CMIP: variants seen among roughly 807,000 people sequenced by gnomAD.
CMIP encodes c-Maf inducing protein, also known as C-Maf-inducing protein.
Under a neutral mutation model 97.3 loss-of-function variants are expected in CMIP, and 13 were observed. The observed-to-expected ratio is 0.13, with a 90% CI of 0.09 to 0.21. CMIP has a LOEUF of 0.21. Ranked by LOEUF, CMIP falls within the 10% of genes least tolerant of loss-of-function variation. CMIP has a pLI of 1.00. For missense variants in CMIP, 847 were observed against 1,024.9 expected (o/e 0.83, Z 2.37); for synonymous variants, 538 against 436.3 (o/e 1.23, Z -2.91).
intron 1 of CMIP, among the ~76,000 whole-genome samples, chr16:81,461,119 C>G (rs966909457): frequency 6.6e-6 from 1 of 152,152 alleles, no homozygotes; most frequent in African/African-American, 2.4e-5. Flanking sequence ...TGTTCTGCAG[C>G]TTCTGGCTTG....
chr16:81,526,087 T>C (rs1827272242), intron 1 of CMIP, among the ~76,000 whole-genome samples: 1 of 152,152 alleles, frequency 6.6e-6, no homozygotes, highest in Non-Finnish European at 1.5e-5. Flanking sequence ...TTGAGAATAG[T>C]GCTGCTGTGA....
intron 1 of CMIP, among the ~76,000 whole-genome samples, chr16:81,546,131 T>C (rs2090542158): frequency 1.3e-5 from 2 of 152,176 alleles, no homozygotes; most frequent in South Asian, 2.1e-4. Context: ...TTACGAGTTA[T>C]CGTGTCTCCT....
intron 1 of CMIP, among the ~76,000 whole-genome samples, chr16:81,606,685 A>G: frequency 6.6e-6 from 1 of 152,072 alleles, no homozygotes; most frequent in Non-Finnish European, 1.5e-5. Context: ...CCCTGACTTC[A>G]TGGAGCTAGC....
chr16:81,500,635 C>T (rs1461524699), intron 1 of CMIP, among the ~76,000 whole-genome samples: 8 of 151,798 alleles, frequency 5.3e-5, no homozygotes, highest in Middle Eastern at 6.8e-3. Context: ...ACTACAGGCG[C>T]GTGCCACCAC....
intron 1 of CMIP, among the ~76,000 whole-genome samples, chr16:81,446,319 C>CG (rs1168598559): frequency 6.6e-6 from 1 of 151,812 alleles, no homozygotes; most frequent in Admixed American, 6.6e-5. Context: ...ATGGGTAGGA[C>CG]TGGGTCAGCT....
intron 2 of CMIP, among the ~76,000 whole-genome samples, chr16:81,611,008 T>G (rs2091822744): frequency 6.6e-6 from 1 of 152,172 alleles, no homozygotes; most frequent in Non-Finnish European, 1.5e-5. Context: ...CGGCATTACC[T>G]TAGTGCTCCT....
At chr16:81,487,005 G>T (rs2089324951) in intron 1 of CMIP, among the ~76,000 whole-genome samples, 1 of 152,254 alleles carries the variant, frequency 6.6e-6, no homozygotes, top group African/African-American at 2.4e-5. Context: ...CTTCTGGAGG[G>T]AGCGTGGGAC....
chr16:81,583,636 G>T (rs1449453840), intron 1 of CMIP, among the ~76,000 whole-genome samples: 1 of 152,174 alleles, frequency 6.6e-6, no homozygotes, highest in Non-Finnish European at 1.5e-5. Flanking sequence ...CTCACTGTCA[G>T]CCCCAACCGA....
chr16:81,454,067 G>T (rs992132776), intron 1 of CMIP, among the ~76,000 whole-genome samples: 2 of 152,218 alleles, frequency 1.3e-5, no homozygotes, highest in Non-Finnish European at 2.9e-5. Context: ...TCACATGACC[G>T]TGATCTCATC....
rs1250314656 is a variant in CMIP at position 81,705,525 on chromosome 16, G to A, written c.2118G>A (p.Leu706=). The change falls in exon 19 of 21, where the codon CTG becomes CTA. Residue 706 remains leucine, a synonymous_variant. Coordinates refer to ENST00000537098, the MANE Select transcript of CMIP (RefSeq NM_198390.3). The part of the protein sequence containing the change: ...TQFGDAGLRL[L]SEHLTMLQVL... ...TTGGAGACGCTGGCCTTCGGCTCCT[G>A]TCGGAACACCTCACCATGCTCCAGG... 4.4e-6 allele frequency: 7 copies of A among 1,608,156 alleles called. No homozygotes were observed. The highest frequency in any genetic ancestry group is 1.7e-5 in the Admixed American group (1 of 59,510).
chr16:81,488,418 A>G (rs974570099), intron 1 of CMIP, among the ~76,000 whole-genome samples: 1 of 152,162 alleles, frequency 6.6e-6, no homozygotes, highest in Non-Finnish European at 1.5e-5. Flanking sequence ...TAAATGAGTA[A>G]TACGTATGAA....
rs535244562 is a variant in CMIP at position 81,450,994 on chromosome 16, A to T, written c.300+5453A>T. On this transcript the variant is annotated intron_variant, in intron 1 of 20. Coordinates refer to ENST00000537098, the MANE Select transcript of CMIP (RefSeq NM_198390.3). ...TTTTGGAGACCCTCCATGCGTGTGC[A>T]GCTGCCTTGTTCTTTTTCATTGCTG... 6.6e-5 allele frequency among the ~76,000 whole-genome samples: 10 copies of T among 152,222 alleles called. No individual in the cohort carries two copies. In the South Asian group the frequency reaches 1.9e-3, roughly 28 times the overall value.
At chr16:81,653,716 C>T (rs182229795) in intron 4 of CMIP, among the ~76,000 whole-genome samples, 217 of 152,288 alleles carry the variant, frequency 1.4e-3, no homozygotes, top group Non-Finnish European at 2.7e-3. Context: ...GGGTTCAAGC[C>T]GTTCTCCTGC....
chr16:81,674,107 C>T (rs1406193392), intron 9 of CMIP, among the ~76,000 whole-genome samples: 1 of 152,122 alleles, frequency 6.6e-6, no homozygotes, highest in African/African-American at 2.4e-5. Flanking sequence ...CCCTCAGCCT[C>T]AGGTCCCGAT....
rs140829314 is a variant in CMIP, at chr16:81,538,676, C to T, written c.301-68891C>T. Among the ~76,000 whole-genome samples the T allele has an allele frequency of 2.6e-5, 4 of 152,298 alleles. No individual in the cohort carries two copies. The East Asian group carries it at 7.7e-4, about 29-fold the overall frequency. On this transcript the variant is annotated intron_variant, in intron 1 of 20. Coordinates refer to ENST00000537098, the MANE Select transcript of CMIP (RefSeq NM_198390.3). Reference sequence around the variant, plus strand: ...CTATCCTCTGCCATTTAAGCCAAGTCACACTGATGTTGAGTCCACCCTGAA... The same window carrying T: ...CTATCCTCTGCCATTTAAGCCAAGTTACACTGATGTTGAGTCCACCCTGAA...
intron 10 of CMIP, among the ~76,000 whole-genome samples, chr16:81,686,779 G>C (rs983363965): frequency 1.8e-4 from 28 of 151,992 alleles, no homozygotes; most frequent in Non-Finnish European, 8.8e-5. Context: ...ATTTGTACTT[G>C]GTGAAAAAAA....
intron 1 of CMIP, among the ~76,000 whole-genome samples, chr16:81,493,763 C>T (rs2089443256): frequency 6.6e-6 from 1 of 152,226 alleles, no homozygotes. Context: ...GTCGCAGAAC[C>T]CACAGCTGAG....
intron 1 of CMIP, among the ~76,000 whole-genome samples, chr16:81,563,581 T>G (rs2090926309): frequency 1.3e-5 from 2 of 152,220 alleles, no homozygotes; most frequent in Non-Finnish European, 2.9e-5. Context: ...ATGTGCACAT[T>G]AAAGCTGAGA....
intron 1 of CMIP, among the ~76,000 whole-genome samples, chr16:81,595,020 G>A (rs1430109565): frequency 2.7e-5 from 4 of 148,040 alleles, no homozygotes; most frequent in Non-Finnish European, 3.0e-5. Context: ...CTACAATAAA[G>A]GTAATATCAT....
Sources: gnomAD v4.1 joint callset for allele counts (sites outside exome capture counted in the v4.1 genomes callset) on GRCh38, gnomAD v4.1.1 for gene constraint, MANE v1.5 for transcripts, NCBI Gene and HGNC (gene_info 2026-07-23, HGNC 2026-07-21) for gene names.